TSC22D1: variants seen among roughly 807,000 people sequenced by gnomAD.
The protein encoded by TSC22D1 is TSC22 domain family protein 1.
A neutral mutation model predicts 74.2 loss-of-function variants in TSC22D1; 9 were observed. The ratio of observed to expected loss-of-function variants is 0.12; its 90% CI spans 0.07 to 0.21. TSC22D1 has a LOEUF of 0.21. TSC22D1 is among the 10% of genes least tolerant of loss of function. The pLI is 1.00. For synonymous variants in TSC22D1, 586 were observed against 492.5 expected, an observed-to-expected ratio of 1.19 and a Z score of -2.51; for missense variants, 1,427 against 1,304.7, an observed-to-expected ratio of 1.09 and a Z score of -1.44.
At chr13:44,508,320 G>C (rs1879529584) in intron 1 of TSC22D1, among the ~76,000 whole-genome samples, 1 of 152,126 alleles carries the variant, frequency 6.6e-6, no homozygotes, top group Non-Finnish European at 1.5e-5. Context: ...ATTTAGCCAG[G>C]GGTTGGTGAG....
chr13:44,436,424 T>A, intron 1 of TSC22D1: 1 of 1,514,214 alleles, frequency 6.6e-7, no homozygotes, highest in South Asian at 1.2e-5. Flanking sequence ...GACAAAGGAA[T>A]TCGCCTGGCT....
intron 1 of TSC22D1, among the ~76,000 whole-genome samples, chr13:44,530,860 G>A (rs969786382): frequency 6.6e-6 from 1 of 152,188 alleles, no homozygotes; most frequent in Non-Finnish European, 1.5e-5. Context: ...TGGTGAGAAT[G>A]TGGAGCAACA....
chr13:44,462,886 T>C (rs1457002346), intron 1 of TSC22D1, among the ~76,000 whole-genome samples: 1 of 152,194 alleles, frequency 6.6e-6, no homozygotes, highest in Non-Finnish European at 1.5e-5. Context: ...TGGGAATTTT[T>C]AAAAACTGTT....
chr13:44,434,977 C>T (rs1376429378), intron 2 of TSC22D1, 94 bp from the exon 3 acceptor site: 12 of 1,086,288 alleles, frequency 1.1e-5, no homozygotes, highest in East Asian at 2.4e-5. Flanking sequence ...ATCTCCCTAA[C>T]TATTTACATA....
chr13:44,459,280 T>C (rs1480815776), intron 1 of TSC22D1, among the ~76,000 whole-genome samples: 3 of 152,100 alleles, frequency 2.0e-5, no homozygotes, highest in Admixed American at 2.0e-4. Context: ...GGAAAGGAGC[T>C]ATCCACTATG....
chr13:44,540,029 G>A, intron 1 of TSC22D1: 2 of 849,938 alleles, frequency 2.4e-6, no homozygotes, highest in Non-Finnish European at 3.3e-6. Context: ...ATAAAAAGGA[G>A]CTACCTTTGG....
rs1389891434 is a variant in TSC22D1, at chr13:44,574,038, T to C, written c.2037A>G (p.Ala679=). ...GAGCCACAGGAATCACTGTTGTTCC[T>C]GCTCCTACTCCTGCAGAACTGGGCT... ...SGQPSSAGVG[A]GTTVIPVAQP... is the part of the protein sequence containing the mutation. The change falls in exon 1 of 3, where the codon GCA becomes GCG. Residue 679 remains alanine, a synonymous_variant. Transcript: ENST00000458659. The C allele has an allele frequency of 1.2e-6, 2 of 1,614,168 alleles. No individual in the cohort carries two copies. Among genetic ancestry groups the C allele is most frequent in the Admixed American group, 1.7e-5 (1 of 60,032 alleles).
chr13:44,552,383 T>C lies in TSC22D1; in HGVS notation c.2912+20780A>G, dbSNP rs548644230. Among the ~76,000 whole-genome samples, 18 of 152,308 alleles carry C rather than the reference T, an allele frequency of 1.2e-4. No individual in the cohort carries two copies. The South Asian group carries it at 3.3e-3, about 28-fold the overall frequency. ...CAGAGAACATAAAGCTAGTAAAATA[T>C]CCCATACTGATGGCAATTGAAGCAC... On this transcript the variant is annotated intron_variant, in intron 1 of 2. Coordinates refer to ENST00000458659, the MANE Select transcript of TSC22D1 (RefSeq NM_183422.4).
chr13:44,479,093 A>G (rs1415016878), intron 1 of TSC22D1, among the ~76,000 whole-genome samples: 1 of 152,184 alleles, frequency 6.6e-6, no homozygotes, highest in East Asian at 1.9e-4. Context: ...AATAAACTAC[A>G]CAAGAGTGAC....
chr13:44,482,966 G>C (rs553964823), intron 1 of TSC22D1, among the ~76,000 whole-genome samples: 1 of 152,070 alleles, frequency 6.6e-6, no homozygotes, highest in Non-Finnish European at 1.5e-5. Flanking sequence ...TGCTAAAGCC[G>C]GTATTTAAAC....
chr13:44,440,865 T>G (rs999624812), intron 1 of TSC22D1, among the ~76,000 whole-genome samples: 1 of 151,922 alleles, frequency 6.6e-6, no homozygotes, highest in African/African-American at 2.4e-5. Flanking sequence ...AGCTTCCAAA[T>G]GGAAGAAACA....
At chr13:44,534,776 T>G (rs1465699317) in intron 1 of TSC22D1, among the ~76,000 whole-genome samples, 2 of 152,198 alleles carry the variant, frequency 1.3e-5, no homozygotes, top group Non-Finnish European at 2.9e-5. Flanking sequence ...GTCAAGCAAT[T>G]GTTTTCTAAG....
At chr13:44,565,790 T>C (rs1883335400) in intron 1 of TSC22D1, among the ~76,000 whole-genome samples, 1 of 152,162 alleles carries the variant, frequency 6.6e-6, no homozygotes. Context: ...ACTCCTGAGC[T>C]CAAGTGATCC....
intron 1 of TSC22D1, among the ~76,000 whole-genome samples, chr13:44,520,678 T>C (rs1315911113): frequency 1.3e-5 from 2 of 152,138 alleles, no homozygotes; most frequent in Non-Finnish European, 2.9e-5. Flanking sequence ...ATATAGAGCA[T>C]AGGTGAAGCT....
intron 1 of TSC22D1, chr13:44,437,286 C>T (rs1215156367): frequency 1.0e-6 from 1 of 984,108 alleles, no homozygotes; most frequent in African/African-American, 1.7e-5. Flanking sequence ...TGCCCAGTCC[C>T]ACCACTGTAA....
intron 1 of TSC22D1, among the ~76,000 whole-genome samples, chr13:44,483,840 C>A (rs1477356092): frequency 6.6e-6 from 1 of 152,064 alleles, no homozygotes; most frequent in Non-Finnish European, 1.5e-5. Context: ...TGGGAAAAAT[C>A]CAAACGTACA....
intron 1 of TSC22D1, among the ~76,000 whole-genome samples, chr13:44,446,153 C>G (rs1321099772): frequency 6.6e-6 from 1 of 152,196 alleles, no homozygotes; most frequent in Non-Finnish European, 1.5e-5. Flanking sequence ...CATGGTACAT[C>G]TAGACAATGC....
chr13:44,491,352 G>C (rs1878707334), intron 1 of TSC22D1, among the ~76,000 whole-genome samples: 1 of 152,092 alleles, frequency 6.6e-6, no homozygotes, highest in African/African-American at 2.4e-5. Context: ...AGGAGATCGA[G>C]ACCATCCTGG....
chr13:44,512,149 CTTTT>C (rs976522499), intron 1 of TSC22D1, among the ~76,000 whole-genome samples: 11 of 151,306 alleles, frequency 7.3e-5, no homozygotes, highest in South Asian at 2.1e-4. Flanking sequence ...ATATTTATTT[CTTTT>C]TTTGTTTGTT....
Sources: allele counts gnomAD v4.1 joint callset (sites outside exome capture counted in the v4.1 genomes callset), GRCh38; gene constraint gnomAD v4.1.1; transcripts MANE v1.5; gene names NCBI Gene and HGNC (gene_info 2026-07-23, HGNC 2026-07-21).